DPP10: variants seen among roughly 807,000 people sequenced by gnomAD.
The protein encoded by DPP10 is inactive dipeptidyl peptidase 10.
A neutral mutation model predicts 120.9 loss-of-function variants in DPP10; 33 were observed. The observed-to-expected ratio is 0.27, with a 90% confidence interval of 0.21 to 0.37. The LOEUF is 0.37. DPP10 is among the 10% of genes least tolerant of loss of function. The probability of loss-of-function intolerance (pLI) is 1.00; values close to 1 mark genes in which losing one functional copy is unlikely to be tolerated. For synonymous variants in DPP10, 337 were observed against 326.1 expected, an observed-to-expected ratio of 1.03 and a Z score of -0.36; for missense variants, 816 against 942.8, an observed-to-expected ratio of 0.87 and a Z score of 1.76.
At chr2:114,814,883 A>G (rs959019908) in intron 1 of DPP10, among the ~76,000 whole-genome samples, 1 of 152,224 alleles carries the variant, frequency 6.6e-6, no homozygotes, top group Non-Finnish European at 1.5e-5. Context: ...AGATTAAGGT[A>G]GAACCAACCG....
intron 3 of DPP10, among the ~76,000 whole-genome samples, chr2:115,356,985 CAAT>C (rs1457482269): frequency 6.6e-6 from 1 of 152,198 alleles, no homozygotes; most frequent in Admixed American, 6.5e-5. Flanking sequence ...TTATCACCAA[CAAT>C]GTTTAAGTGT....
intron 5 of DPP10, among the ~76,000 whole-genome samples, chr2:115,643,115 G>A (rs911784771): frequency 6.6e-6 from 1 of 151,560 alleles, no homozygotes; most frequent in African/African-American, 2.4e-5. Flanking sequence ...ATTAAAGTCA[G>A]TCTTGACTCT....
chr2:115,804,962 A>G (rs1685743254), intron 19 of DPP10, among the ~76,000 whole-genome samples: 1 of 152,212 alleles, frequency 6.6e-6, no homozygotes, highest in African/African-American at 2.4e-5. Flanking sequence ...CAAAGCTGTC[A>G]GACAGGGACA....
At chr2:114,521,810 T>C (rs34309010) in intron 1 of DPP10, among the ~76,000 whole-genome samples, 36,871 of 142,254 alleles carry the variant, frequency 0.26, 5,397 homozygotes, top group Non-Finnish European at 0.34. Context: ...CAAGGTTTTT[T>C]TTTTTTTTTT....
intron 1 of DPP10, among the ~76,000 whole-genome samples, chr2:114,465,062 T>C (rs552535922): frequency 1.2e-4 from 19 of 152,258 alleles, no homozygotes; most frequent in African/African-American, 4.6e-4. Flanking sequence ...GGGGAACTAT[T>C]GCGTTCTGTA....
intron 1 of DPP10, among the ~76,000 whole-genome samples, chr2:114,764,047 T>G (rs1236964930): frequency 1.3e-5 from 2 of 152,174 alleles, no homozygotes; most frequent in Non-Finnish European, 2.9e-5. Flanking sequence ...TACTGAAAAC[T>G]GTTTCATGAG....
At chr2:114,593,819 CCCTT>C (rs1558914913) in intron 1 of DPP10, among the ~76,000 whole-genome samples, 3 of 152,024 alleles carry the variant, frequency 2.0e-5, no homozygotes, top group Non-Finnish European at 4.4e-5. Flanking sequence ...TCTCCAAGCT[CCCTT>C]CCTTCCTTAC....
At chr2:114,837,899 G>T (rs1687867866) in intron 1 of DPP10, among the ~76,000 whole-genome samples, 1 of 152,172 alleles carries the variant, frequency 6.6e-6, no homozygotes. Context: ...CCCACTTATG[G>T]TATCAGTTTA....
chr2:115,677,715 G>T lies in DPP10; in HGVS notation c.442-11972G>T, dbSNP rs182696419. 9.2e-5 allele frequency among the ~76,000 whole-genome samples: 14 copies of T among 152,236 alleles called. 1 individual carries two copies. In the East Asian group the frequency reaches 2.3e-3, roughly 25 times the overall value. Reference sequence around the variant, plus strand: ...AATAACAAGATCAATTAAGCAAGAGGATATAACAATGTTAAATATGTATGT... The same window carrying T: ...AATAACAAGATCAATTAAGCAAGAGTATATAACAATGTTAAATATGTATGT... On this transcript the variant is annotated intron_variant, in intron 5 of 25. Coordinates refer to ENST00000410059, the MANE Select transcript of DPP10 (RefSeq NM_020868.6).
At chr2:115,442,381 G>T (rs1166553246) in intron 3 of DPP10, among the ~76,000 whole-genome samples, 2 of 143,860 alleles carry the variant, frequency 1.4e-5, no homozygotes, top group African/African-American at 2.9e-5. Context: ...GTGTGTGTGT[G>T]TGTGTGCGTG....
chr2:114,785,673 G>T (rs1023549661), intron 1 of DPP10, among the ~76,000 whole-genome samples: 5 of 152,124 alleles, frequency 3.3e-5, no homozygotes, highest in African/African-American at 1.2e-4. Flanking sequence ...CAATGTAGAG[G>T]GGCCCTGGGA....
chr2:115,256,464 C>T (rs1336902832), intron 1 of DPP10, among the ~76,000 whole-genome samples: 3 of 152,146 alleles, frequency 2.0e-5, no homozygotes, highest in African/African-American at 7.2e-5. Context: ...CTGAGCAGTA[C>T]CTGGGACCCT....
At chr2:114,730,867 G>A (rs544113856) in intron 1 of DPP10, among the ~76,000 whole-genome samples, 22 of 152,060 alleles carry the variant, frequency 1.4e-4, no homozygotes, top group Admixed American at 3.9e-4. Flanking sequence ...TGGGATTACA[G>A]GCCTGAGCAA....
At chr2:115,436,907 T>C (rs1183607822) in intron 3 of DPP10, among the ~76,000 whole-genome samples, 1 of 151,946 alleles carries the variant, frequency 6.6e-6, no homozygotes, top group Non-Finnish European at 1.5e-5. Context: ...ATTAATATTC[T>C]AGCCTACCAA....
intron 4 of DPP10, among the ~76,000 whole-genome samples, chr2:115,517,291 G>T (rs763492530): frequency 6.6e-6 from 1 of 152,100 alleles, no homozygotes; most frequent in Non-Finnish European, 1.5e-5. Flanking sequence ...GAATTAAAGT[G>T]CAAGTTTAGT....
intron 1 of DPP10, among the ~76,000 whole-genome samples, chr2:114,524,073 G>A (rs1685290610): frequency 1.3e-5 from 2 of 152,194 alleles, no homozygotes; most frequent in Non-Finnish European, 2.9e-5. Context: ...CTTTACAATT[G>A]TACCCATTGT....
At chr2:115,322,919 T>TA (rs2062141575) in intron 2 of DPP10, among the ~76,000 whole-genome samples, 1 of 152,240 alleles carries the variant, frequency 6.6e-6, no homozygotes, top group African/African-American at 2.4e-5. Flanking sequence ...CTGCAAATCA[T>TA]AATCTTTTTG....
intron 1 of DPP10, among the ~76,000 whole-genome samples, chr2:114,584,830 A>G (rs1690819969): frequency 6.6e-6 from 1 of 152,092 alleles, no homozygotes. Flanking sequence ...CCATCAGGAA[A>G]CCAGAAATAG....
chr2:114,502,677 C>T (rs1341728072), intron 1 of DPP10, among the ~76,000 whole-genome samples: 2 of 152,116 alleles, frequency 1.3e-5, no homozygotes, highest in East Asian at 1.9e-4. Flanking sequence ...ATACTCCAAT[C>T]GAAATATCTT....
Sources: allele counts gnomAD v4.1 joint callset (sites outside exome capture counted in the v4.1 genomes callset), GRCh38; gene constraint gnomAD v4.1.1; transcripts MANE v1.5; gene names NCBI Gene and HGNC (gene_info 2026-07-23, HGNC 2026-07-21).